Variants in FBXO16 observed in about 807,000 individuals in gnomAD.
FBXO16 encodes F-box only protein 16.
A neutral mutation model predicts 41.0 loss-of-function variants in FBXO16; 31 were observed. The ratio of observed to expected loss-of-function variants is 0.76; its 90% CI spans 0.57 to 1.02. The LOEUF (loss-of-function observed/expected upper bound fraction) is 1.02. Ranked by LOEUF, FBXO16 falls within the 50% of genes least tolerant of loss-of-function variation. The pLI is 0.00. For missense variants in FBXO16, 361 were observed against 346.2 expected (o/e 1.04, Z -0.34); for synonymous variants, 133 against 117.8 (o/e 1.13, Z -0.84).
chr8:28,445,031 C>T (rs1287231602), intron 7 of FBXO16, among the ~76,000 whole-genome samples: 1 of 151,944 alleles, frequency 6.6e-6, no homozygotes, highest in Admixed American at 6.6e-5. Context: ...CGCCTTGTAT[C>T]CCAAACAGCC....
At chr8:28,435,556 C>G (rs1802675486) in intron 7 of FBXO16, among the ~76,000 whole-genome samples, 1 of 152,138 alleles carries the variant, frequency 6.6e-6, no homozygotes, top group African/African-American at 2.4e-5. Context: ...CCCACCCCCA[C>G]AGTTGGGTGG....
chr8:28,437,566 A>G (rs1802705054), intron 7 of FBXO16, among the ~76,000 whole-genome samples: 1 of 152,204 alleles, frequency 6.6e-6, no homozygotes, highest in South Asian at 2.1e-4. Flanking sequence ...TCAGTCTAGG[A>G]GCATGGAGTA....
At chr8:28,466,768 G>A (rs746623028) in intron 3 of FBXO16, among the ~76,000 whole-genome samples, 7 of 152,152 alleles carry the variant, frequency 4.6e-5, no homozygotes, top group Non-Finnish European at 8.8e-5. Flanking sequence ...TGGAAAGTTG[G>A]CTTGACGGGA....
At chr8:28,428,815 G>A in intron 8 of FBXO16, 79 bp from the exon 9 acceptor site, 1 of 1,408,870 alleles carries the variant, frequency 7.1e-7, no homozygotes, top group Non-Finnish European at 9.3e-7. Context: ...TATTTTTAAT[G>A]ACATAAAACG....
At position 28,453,396 on chromosome 8, in the gene FBXO16, C is replaced by CT. The variant is rs566461253; in HGVS notation, c.508-921dup. Among the ~76,000 whole-genome samples, 188 of 151,990 alleles carry CT rather than the reference C, an allele frequency of 1.2e-3. 4 individuals are homozygous for CT. The highest frequency in any genetic ancestry group is 4.4e-3 in the African/African-American group (182 of 41,254). ...CATGACTTCTAACACATAGAAACAA[C>CT]TTTGAGTTGCAGAGAGGTAGACTAG... is the stretch of plus-strand genomic sequence containing the variant. On this transcript the variant is annotated intron_variant, in intron 5 of 8. Coordinates refer to ENST00000380254, the MANE Select transcript of FBXO16 (RefSeq NM_172366.4).
intron 2 of FBXO16, among the ~76,000 whole-genome samples, chr8:28,474,525 T>C (rs1343967372): frequency 1.3e-5 from 2 of 151,990 alleles, no homozygotes; most frequent in Non-Finnish European, 2.9e-5. Context: ...ATCTGAAATG[T>C]TTCAATATTA....
At chr8:28,464,722 T>C (rs1803205205) in intron 3 of FBXO16, among the ~76,000 whole-genome samples, 1 of 152,170 alleles carries the variant, frequency 6.6e-6, no homozygotes, top group East Asian at 1.9e-4. Flanking sequence ...GGTGTGATCT[T>C]GGCTCACTGC....
At chr8:28,442,023 A>G (rs1316596407) in intron 7 of FBXO16, among the ~76,000 whole-genome samples, 1 of 145,878 alleles carries the variant, frequency 6.9e-6, no homozygotes, top group Non-Finnish European at 1.5e-5. Flanking sequence ...AGCTCACTGC[A>G]ACCTCTGCCT....
At chr8:28,466,178 G>A (rs1036225244) in intron 3 of FBXO16, among the ~76,000 whole-genome samples, 1 of 151,976 alleles carries the variant, frequency 6.6e-6, no homozygotes, top group Admixed American at 6.6e-5. Flanking sequence ...GGCGGAGGTT[G>A]CGGAGTGCTA....
intron 6 of FBXO16, among the ~76,000 whole-genome samples, chr8:28,447,833 A>G (rs532879497): frequency 6.6e-6 from 1 of 152,320 alleles, no homozygotes; most frequent in Admixed American, 6.5e-5. Context: ...ACACACCTGT[A>G]GTCCCAGCTA....
At chr8:28,434,865 G>T (rs1415257858) in intron 7 of FBXO16, among the ~76,000 whole-genome samples, 3 of 152,258 alleles carry the variant, frequency 2.0e-5, no homozygotes, top group African/African-American at 7.2e-5. Context: ...GGCCAGGCCA[G>T]GCATGTTACC....
At chr8:28,474,012 G>A (rs1448108453) in intron 2 of FBXO16, among the ~76,000 whole-genome samples, 1 of 151,730 alleles carries the variant, frequency 6.6e-6, no homozygotes, top group Non-Finnish European at 1.5e-5. Context: ...TCTACATGTG[G>A]AATAATTCAT....
chr8:28,474,118 G>A (rs1030585941), intron 2 of FBXO16, among the ~76,000 whole-genome samples: 8 of 151,856 alleles, frequency 5.3e-5, no homozygotes, highest in African/African-American at 1.9e-4. Flanking sequence ...GAGCTAGGGA[G>A]TTTAAAAGCA....
chr8:28,476,236 C>T (rs542710229), intron 2 of FBXO16, among the ~76,000 whole-genome samples: 11 of 152,254 alleles, frequency 7.2e-5, no homozygotes, highest in East Asian at 5.8e-4. Context: ...GGAAGTGCTA[C>T]GCAGGTTAAA....
chr8:28,483,137 T>A (rs1158952117), intron 2 of FBXO16, among the ~76,000 whole-genome samples: 2 of 152,024 alleles, frequency 1.3e-5, no homozygotes, highest in East Asian at 3.9e-4. Context: ...ATCCAAGACA[T>A]TTTTTTCTTG....
At chr8:28,435,646 T>A (rs997561877) in intron 7 of FBXO16, among the ~76,000 whole-genome samples, 8 of 152,006 alleles carry the variant, frequency 5.3e-5, no homozygotes, top group Admixed American at 2.6e-4. Flanking sequence ...TTTGTGAGTA[T>A]ACAGAAAAGG....
At chr8:28,460,666 C>T (rs1161085666) in intron 4 of FBXO16, among the ~76,000 whole-genome samples, 6 of 151,964 alleles carry the variant, frequency 3.9e-5, no homozygotes, top group Admixed American at 3.9e-4. Context: ...CTCAAGTGAT[C>T]TGCCCACCTT....
intron 1 of FBXO16, among the ~76,000 whole-genome samples, chr8:28,487,437 C>T (rs1241142647): frequency 6.7e-6 from 1 of 148,984 alleles, no homozygotes; most frequent in Admixed American, 6.7e-5. Flanking sequence ...CTCTTTTGCC[C>T]AGGCTGGAGT....
chr8:28,483,591 G>A, intron 1 of FBXO16, 129 bp from the exon 2 acceptor site: 1 of 632,630 alleles, frequency 1.6e-6, no homozygotes, highest in Non-Finnish European at 2.8e-6. Context: ...GGCTGAGGTG[G>A]GCGGATCACT....
Sources: allele counts gnomAD v4.1 joint callset (sites outside exome capture counted in the v4.1 genomes callset), GRCh38; gene constraint gnomAD v4.1.1; transcripts MANE v1.5; gene names NCBI Gene and HGNC (gene_info 2026-07-23, HGNC 2026-07-21).